BBX: variants seen among roughly 807,000 people sequenced by gnomAD.
BBX encodes BBX high mobility group box domain containing.
BBX carries 30 observed loss-of-function variants against 100.2 expected under a neutral mutation model. The ratio of observed to expected loss-of-function variants is 0.30; its 90% CI spans 0.22 to 0.41. The LOEUF (loss-of-function observed/expected upper bound fraction) is 0.41, where lower values mean the gene tolerates loss of function less well. BBX is among the 10% of genes least tolerant of loss of function. The probability of loss-of-function intolerance (pLI) is 1.00; values close to 1 mark genes in which losing one functional copy is unlikely to be tolerated. For missense variants in BBX, 1,023 were observed against 1,129.8 expected (o/e 0.91, Z 1.35); for synonymous variants, 376 against 388.1 (o/e 0.97, Z 0.37).
chr3:107,810,741 C>T lies in BBX; in HGVS notation c.*5284C>T, dbSNP rs2071253291. The T allele has an allele frequency of 6.6e-6, 1 of 152,186 alleles. No homozygotes were observed. The highest frequency in any genetic ancestry group is 2.1e-4 in the South Asian group (1 of 4,830). The allele number at this position is 152,186 out of a possible 1,614,324, so 9.4% of individuals were successfully genotyped here. A position where few individuals can be genotyped will look rare whatever the true frequency, so the allele number is the denominator to read the frequency against. The stretch of plus-strand genomic sequence containing the variant: ...ATTAGCACTAAACAAGTCTCTTGCT[C>T]TCAGGAATTTGTCAGAAAAAAGAAT... On this transcript the variant is annotated 3_prime_UTR_variant, in exon 18 of 18. Coordinates refer to ENST00000325805, the MANE Select transcript of BBX (RefSeq NM_001142568.3).
intron 2 of BBX, among the ~76,000 whole-genome samples, chr3:107,630,743 C>G (rs2056493012): frequency 6.6e-6 from 1 of 152,168 alleles, no homozygotes; most frequent in East Asian, 1.9e-4. Context: ...ACACAGTAGA[C>G]AGGCATGTGC....
At chr3:107,679,066 A>T (rs1292151584) in intron 3 of BBX, among the ~76,000 whole-genome samples, 1 of 152,002 alleles carries the variant, frequency 6.6e-6, no homozygotes, top group Admixed American at 6.6e-5. Flanking sequence ...ATCGCATGAG[A>T]TATGAAGCAT....
At chr3:107,723,517 T>C (rs1387827185) in intron 5 of BBX, among the ~76,000 whole-genome samples, 25 of 151,848 alleles carry the variant, frequency 1.6e-4, no homozygotes, top group Non-Finnish European at 1.5e-5. Flanking sequence ...CCCATTAACT[T>C]GTCATTTACA....
intron 2 of BBX, among the ~76,000 whole-genome samples, chr3:107,585,558 C>A (rs2052769890): frequency 6.6e-6 from 1 of 152,084 alleles, no homozygotes; most frequent in African/African-American, 2.4e-5. Context: ...TAAGAAGCTC[C>A]CCTCCCCGCT....
intron 2 of BBX, among the ~76,000 whole-genome samples, chr3:107,588,654 T>C (rs686504): frequency 0.34 from 51,458 of 151,964 alleles, 9,083 homozygotes; most frequent in Middle Eastern, 0.4. Flanking sequence ...TTTAAAAATA[T>C]ACACTTTGGC....
intron 3 of BBX, among the ~76,000 whole-genome samples, chr3:107,662,311 A>G (rs956238545): frequency 1.3e-5 from 2 of 152,130 alleles, no homozygotes; most frequent in African/African-American, 4.8e-5. Flanking sequence ...GGGGCTTGGC[A>G]AGCCTTTTTG....
Position 107,797,364 on chromosome 3 carries a change from A to ATATATATATATG in BBX, c.2354-1159_2354-1158insTATATATATATG, listed in dbSNP as rs71113691. Among the ~76,000 whole-genome samples, 32 of 109,832 alleles carry ATATATATATATG rather than the reference A, an allele frequency of 2.9e-4. 1 individual carries two copies. Among genetic ancestry groups the ATATATATATATG allele is most frequent in the South Asian group, 5.9e-4 (2 of 3,388 alleles). 72.1% of individuals were successfully genotyped at this position (109,832 alleles called of 152,430 possible). Reference sequence around the variant, plus strand: ...TATATATATATATATATATATATATAGCTTTATTGCCAATATCTACCTTCA... The same window carrying ATATATATATATG: ...TATATATATATATATATATATATATATATATATATATGGCTTTATTGCCAATATCTACCTTCA... On this transcript the variant is annotated intron_variant, in intron 15 of 17. Transcript: ENST00000325805.
At chr3:107,619,153 A>C (rs1011101417) in intron 2 of BBX, among the ~76,000 whole-genome samples, 6 of 152,028 alleles carry the variant, frequency 3.9e-5, no homozygotes, top group African/African-American at 1.4e-4. Context: ...GTCTGTGATC[A>C]TTGTTTTTTG....
Position 107,535,982 on chromosome 3 carries a change from C to T in BBX, c.-84+9584C>T, listed in dbSNP as rs115771001. 2.4e-3 allele frequency among the ~76,000 whole-genome samples: 363 copies of T among 152,290 alleles called. 1 individual carries two copies. Among genetic ancestry groups the T allele is most frequent in the African/African-American group, 8.1e-3 (335 of 41,556 alleles). On this transcript the variant is annotated intron_variant, in intron 2 of 17. Coordinates refer to ENST00000325805, the MANE Select transcript of BBX (RefSeq NM_001142568.3). ...GTATAACATGCATAATGTTATAAAA[C>T]GTTTACTTCTGACATTAGCTTTGAA...
At chr3:107,561,873 CATT>C (rs2050526051) in intron 2 of BBX, among the ~76,000 whole-genome samples, 1 of 152,130 alleles carries the variant, frequency 6.6e-6, no homozygotes, top group South Asian at 2.1e-4. Context: ...TTTGCACTTT[CATT>C]ATTTCTTTTT....
intron 3 of BBX, among the ~76,000 whole-genome samples, chr3:107,696,044 G>C (rs1363141097): frequency 2.0e-5 from 3 of 151,632 alleles, no homozygotes; most frequent in Non-Finnish European, 2.9e-5. Flanking sequence ...TCTTCCATTG[G>C]CTTGGTAGAT....
At chr3:107,759,756 CCTT>C (rs1188003247) in intron 10 of BBX, among the ~76,000 whole-genome samples, 1 of 152,130 alleles carries the variant, frequency 6.6e-6, no homozygotes, top group Non-Finnish European at 1.5e-5. Flanking sequence ...AACCTGTAAA[CCTT>C]CTTCTAAGAT....
chr3:107,633,239 T>A (rs946047988), intron 2 of BBX, among the ~76,000 whole-genome samples: 55 of 152,142 alleles, frequency 3.6e-4, no homozygotes, highest in African/African-American at 1.3e-3. Flanking sequence ...TTATTTTGAA[T>A]TTCATATGTT....
chr3:107,610,131 C>T (rs1220322198), intron 2 of BBX, among the ~76,000 whole-genome samples: 1 of 152,054 alleles, frequency 6.6e-6, no homozygotes, highest in Non-Finnish European at 1.5e-5. Flanking sequence ...TCTTCCTTGA[C>T]CCACTTGTCA....
At chr3:107,627,559 CT>C (rs1445571304) in intron 2 of BBX, among the ~76,000 whole-genome samples, 2 of 152,126 alleles carry the variant, frequency 1.3e-5, no homozygotes, top group African/African-American at 4.8e-5. Context: ...TGATTACCAC[CT>C]AGCATGTAAT....
chr3:107,618,741 C>T lies in BBX; in HGVS notation c.-83-27095C>T, dbSNP rs575331608. On this transcript the variant is annotated intron_variant, in intron 2 of 17. Coordinates refer to ENST00000325805, the MANE Select transcript of BBX (RefSeq NM_001142568.3). ...TATTAATAATTTCTAATTTTATGCCCTTGTGACTAGGGGAGCCACTCTGTA... is the reference window on the plus strand; with the variant it reads ...TATTAATAATTTCTAATTTTATGCCTTTGTGACTAGGGGAGCCACTCTGTA... 4.7e-4 allele frequency among the ~76,000 whole-genome samples: 71 copies of T among 151,842 alleles called. 2 individuals carry two copies. Among genetic ancestry groups the T allele is most frequent in the African/African-American group, 1.5e-3 (63 of 41,346 alleles).
intron 2 of BBX, among the ~76,000 whole-genome samples, chr3:107,582,132 A>T (rs601767): frequency 0.091 from 13,831 of 151,470 alleles, 775 homozygotes; most frequent in Non-Finnish European, 0.12. Context: ...CCTTCTTTTT[A>T]AAAAAAAATC....
At chr3:107,661,564 G>C (rs1413769344) in intron 3 of BBX, among the ~76,000 whole-genome samples, 1 of 152,114 alleles carries the variant, frequency 6.6e-6, no homozygotes, top group African/African-American at 2.4e-5. Flanking sequence ...CTTCAAAATG[G>C]TTGACGGTAT....
Position 107,772,797 on chromosome 3 carries a change from C to T in BBX, c.1076C>T (p.Ser359Leu), listed in dbSNP as rs770429733. 2.6e-5 allele frequency: 42 copies of T among 1,613,010 alleles called. No homozygotes were observed. The highest frequency in any genetic ancestry group is 3.3e-5 in the Non-Finnish European group (39 of 1,179,798). The change falls in exon 11 of 18, where the codon TCG becomes TTG. Residue 359 changes from serine (S) to leucine (L), a missense_variant. This residue lies in a region of BBX where 348 missense variants were observed against 353.2 expected (regional missense o/e 0.99). Coordinates refer to ENST00000325805, the MANE Select transcript of BBX (RefSeq NM_001142568.3). ...CAGAAGGAAGCAGAATTTGAAAAAT[C>T]GGCTAAGGAAAATTTAAGAGATTCT... ...RLQKEAEFEK[S>L]AKENLRDSKE...
Sources: gnomAD v4.1 joint callset for allele counts (sites outside exome capture counted in the v4.1 genomes callset) on GRCh38, gnomAD v4.1.1 for gene constraint, gnomAD v4.1.1 regional missense constraint, MANE v1.5 for transcripts, NCBI Gene and HGNC (gene_info 2026-07-23, HGNC 2026-07-21) for gene names.